EYS: variants seen among roughly 807,000 people sequenced by gnomAD.
EYS encodes protein eyes shut homolog.
Under a neutral mutation model 282.1 loss-of-function variants are expected in EYS, and 250 were observed. The observed-to-expected ratio is 0.89, with a 90% CI of 0.80 to 0.98. The LOEUF is 0.98. Among genes scored for constraint, EYS ranks in the 50% least tolerant of loss-of-function variants. EYS has a pLI of 0.00. For missense variants in EYS, 4,016 were observed against 3,709.0 expected, an observed-to-expected ratio of 1.08 and a Z score of -2.15; for synonymous variants, 1,355 against 1,282.9, an observed-to-expected ratio of 1.06 and a Z score of -1.20.
intron 16 of EYS, among the ~76,000 whole-genome samples, chr6:64,910,052 T>C (rs1328289478): frequency 2.0e-5 from 3 of 152,152 alleles, no homozygotes; most frequent in African/African-American, 7.2e-5. Context: ...GCTGAATCCT[T>C]AGCCTAAAGC....
At chr6:64,790,761 C>G (rs1409092332) in intron 22 of EYS, among the ~76,000 whole-genome samples, 1 of 151,826 alleles carries the variant, frequency 6.6e-6, no homozygotes, top group Non-Finnish European at 1.5e-5. Context: ...AAAGTGTTAT[C>G]ATTTCAAAGA....
In EYS at chr6:64,637,520, C is replaced by T. The variant is rs568586585; in HGVS notation, c.3444-11275G>A. On this transcript the variant is annotated intron_variant, in intron 22 of 42. Transcript: ENST00000503581. ...ATGACGAGTTAATGGGTGCAGCACA[C>T]CAACATGGCACATGTATACATATGT... Among the ~76,000 whole-genome samples the T allele has an allele frequency of 3.4e-5, 3 of 87,650 alleles. 1 individual carries two copies. The highest frequency in any genetic ancestry group is 7.3e-5 in the Non-Finnish European group (3 of 41,164). 57.5% of individuals were successfully genotyped at this position (87,650 alleles called of 152,430 possible). A position where few individuals can be genotyped will look rare whatever the true frequency, so the allele number is the denominator to read the frequency against.
At chr6:64,015,549 G>T (rs997367497) in intron 33 of EYS, among the ~76,000 whole-genome samples, 3 of 152,112 alleles carry the variant, frequency 2.0e-5, no homozygotes, top group Admixed American at 6.5e-5. Flanking sequence ...AAGGATAAAA[G>T]AAATTAGTTT....
chr6:64,096,970 A>T (rs985163854), intron 31 of EYS, among the ~76,000 whole-genome samples: 1 of 152,206 alleles, frequency 6.6e-6, no homozygotes, highest in African/African-American at 2.4e-5. Flanking sequence ...TCCTTCTAAC[A>T]GTCAGGACCC....
Position 63,788,935 on chromosome 6 carries a change from A to G in EYS, c.7578+123T>C, listed in dbSNP as rs555758886. 3.7e-5 allele frequency: 34 copies of G among 930,934 alleles called. No homozygotes were observed. The East Asian group carries it at 8.5e-4, about 23-fold the overall frequency. The allele number at this position is 930,934 out of a possible 1,614,324, so 57.7% of individuals were successfully genotyped here. A position where few individuals can be genotyped will look rare whatever the true frequency, so the allele number is the denominator to read the frequency against. On this transcript the variant is annotated intron_variant, in intron 38 of 42. Coordinates refer to ENST00000503581, the MANE Select transcript of EYS (RefSeq NM_001142800.2). ...TCATCTCTCTATTCCCCTAGTTGGT[A>G]CAATAGTCTGTGAACTTCGTGGATG...
intron 19 of EYS, among the ~76,000 whole-genome samples, chr6:64,861,419 T>A (rs1766233461): frequency 6.6e-6 from 1 of 152,020 alleles, no homozygotes; most frequent in Admixed American, 6.5e-5. Flanking sequence ...AGGTCAGGGG[T>A]GCTTCCCAGT....
intron 31 of EYS, among the ~76,000 whole-genome samples, chr6:64,173,111 A>C (rs1764530960): frequency 6.6e-6 from 1 of 152,158 alleles, no homozygotes; most frequent in African/African-American, 2.4e-5. Context: ...ACCATGACAG[A>C]AACTCATAGT....
intron 19 of EYS, among the ~76,000 whole-genome samples, chr6:64,829,704 A>C (rs554470782): frequency 6.6e-6 from 1 of 152,080 alleles, no homozygotes; most frequent in Admixed American, 6.6e-5. Flanking sequence ...AAATTATAGA[A>C]TGCGGTATGC....
At chr6:64,784,003 T>C (rs1583154743) in intron 22 of EYS, among the ~76,000 whole-genome samples, 1 of 152,218 alleles carries the variant, frequency 6.6e-6, no homozygotes, top group East Asian at 1.9e-4. Flanking sequence ...ATATGGTATG[T>C]TCATGACCTT....
intron 33 of EYS, among the ~76,000 whole-genome samples, chr6:64,024,264 A>T (rs1432585497): frequency 6.6e-6 from 1 of 152,098 alleles, no homozygotes; most frequent in East Asian, 1.9e-4. Context: ...ACCAATCAGC[A>T]CCCTGTGTCT....
At chr6:65,003,541 A>G (rs1478178366) in intron 13 of EYS, among the ~76,000 whole-genome samples, 1 of 147,088 alleles carries the variant, frequency 6.8e-6, no homozygotes, top group East Asian at 2.1e-4. Context: ...GATGTCTGTG[A>G]CCCACACCTA....
chr6:64,527,681 A>G (rs187160866), intron 26 of EYS, among the ~76,000 whole-genome samples: 383 of 151,868 alleles, frequency 2.5e-3, no homozygotes, highest in East Asian at 0.011. Flanking sequence ...TATTTCCTAC[A>G]TACAAAAATA....
At chr6:63,763,425 T>C (rs573139521) in intron 40 of EYS, among the ~76,000 whole-genome samples, 7 of 152,146 alleles carry the variant, frequency 4.6e-5, no homozygotes, top group Admixed American at 3.9e-4. Flanking sequence ...TTAGTAGAAG[T>C]ATGTCCTGAT....
intron 22 of EYS, among the ~76,000 whole-genome samples, chr6:64,728,464 A>G (rs1771837516): frequency 6.6e-6 from 1 of 151,900 alleles, no homozygotes; most frequent in Non-Finnish European, 1.5e-5. Flanking sequence ...CCTCCTGAGT[A>G]GCTGGGGCTA....
chr6:65,373,558 T>A (rs943329565), intron 8 of EYS, among the ~76,000 whole-genome samples: 8 of 152,162 alleles, frequency 5.3e-5, no homozygotes, highest in Middle Eastern at 6.8e-3. Context: ...CACATAAAAA[T>A]TAATTTTTTA....
Position 63,727,307 on chromosome 6 carries a change from G to C in EYS, c.8072-627C>G, listed in dbSNP as rs530140563. Among the ~76,000 whole-genome samples, 77 of 152,046 alleles carry C rather than the reference G, an allele frequency of 5.1e-4. 2 individuals are homozygous for C. Among genetic ancestry groups the C allele is most frequent in the African/African-American group, 1.8e-3 (76 of 41,490 alleles). On this transcript the variant is annotated intron_variant, in intron 41 of 42. Coordinates refer to ENST00000503581, the MANE Select transcript of EYS (RefSeq NM_001142800.2). Reference sequence around the variant, plus strand: ...ACAGTGCTTCTTAGAGTGCGCCCTGGTTCAGGACATAGCTTAGCCATTAAT... The same window carrying C: ...ACAGTGCTTCTTAGAGTGCGCCCTGCTTCAGGACATAGCTTAGCCATTAAT...
At chr6:63,846,476 A>T (rs989467318) in intron 36 of EYS, among the ~76,000 whole-genome samples, 1 of 152,250 alleles carries the variant, frequency 6.6e-6, no homozygotes, top group Non-Finnish European at 1.5e-5. Context: ...AGAACAAAAA[A>T]AGATGAGATT....
At chr6:65,287,725 C>T (rs1312510930) in intron 12 of EYS, among the ~76,000 whole-genome samples, 1 of 151,088 alleles carries the variant, frequency 6.6e-6, no homozygotes, top group Non-Finnish European at 1.5e-5. Flanking sequence ...AATTCCTTTG[C>T]CATTTAAAAA....
chr6:65,363,012 T>C (rs747158153), intron 8 of EYS, among the ~76,000 whole-genome samples: 5 of 152,070 alleles, frequency 3.3e-5, no homozygotes, highest in Non-Finnish European at 5.9e-5. Flanking sequence ...CATTTAGTCC[T>C]AAATCAACTT....
Sources: allele counts gnomAD v4.1 joint callset (sites outside exome capture counted in the v4.1 genomes callset), GRCh38; gene constraint gnomAD v4.1.1; transcripts MANE v1.5; gene names NCBI Gene and HGNC (gene_info 2026-07-23, HGNC 2026-07-21).